SND1: variants seen among roughly 807,000 people sequenced by gnomAD.
The protein encoded by SND1 is staphylococcal nuclease domain-containing protein 1.
A neutral mutation model predicts 121.7 loss-of-function variants in SND1; 38 were observed. The observed-to-expected ratio is 0.31, with a 90% CI of 0.24 to 0.41. The LOEUF (loss-of-function observed/expected upper bound fraction) is 0.41, where lower values mean the gene tolerates loss of function less well. Among genes scored for constraint, SND1 ranks in the 10% least tolerant of loss-of-function variants. The pLI, the probability that SND1 is intolerant of heterozygous loss-of-function variation, is 1.00. For missense variants in SND1, 868 were observed against 1,184.6 expected (o/e 0.73, Z 3.92); for synonymous variants, 401 against 447.4 (o/e 0.90, Z 1.31).
chr7:127,778,489 A>G (rs1256079209), intron 10 of SND1, among the ~76,000 whole-genome samples: 2 of 152,090 alleles, frequency 1.3e-5, no homozygotes, highest in African/African-American at 4.8e-5. Flanking sequence ...GAGCCACCGC[A>G]CTCGGTCTAT....
chr7:127,868,142 A>G (rs539021262), intron 12 of SND1, among the ~76,000 whole-genome samples: 1 of 152,328 alleles, frequency 6.6e-6, no homozygotes, highest in East Asian at 1.9e-4. Flanking sequence ...CTGTAATCCC[A>G]GCACTTTGAG....
rs778342997 is a variant in SND1 at position 128,024,621 on chromosome 7, C to T, written c.1779+33565C>T. Among the ~76,000 whole-genome samples the T allele has an allele frequency of 3.9e-5, 6 of 152,302 alleles. 1 individual carries two copies. Among genetic ancestry groups the T allele is most frequent in the African/African-American group, 1.4e-4 (6 of 41,570 alleles). On this transcript the variant is annotated intron_variant, in intron 16 of 23. Transcript: ENST00000354725. ...CAGGGACTCTCTGCTGGTTGTTCCA[C>T]GGCACTCAGCAAGTTGCTGGCCTCA...
intron 16 of SND1, among the ~76,000 whole-genome samples, chr7:128,008,708 C>G (rs534804565): frequency 6.6e-6 from 1 of 152,292 alleles, no homozygotes; most frequent in African/African-American, 2.4e-5. Context: ...TGATGCAGGA[C>G]TCATGCCATG....
At chr7:127,978,969 G>T (rs1802193840) in intron 15 of SND1, among the ~76,000 whole-genome samples, 1 of 151,916 alleles carries the variant, frequency 6.6e-6, no homozygotes, top group South Asian at 2.1e-4. Flanking sequence ...TTACAGACGT[G>T]AGCCACCACA....
At chr7:127,828,396 C>T (rs576542270) in intron 11 of SND1, among the ~76,000 whole-genome samples, 3 of 151,984 alleles carry the variant, frequency 2.0e-5, no homozygotes, top group African/African-American at 7.2e-5. Flanking sequence ...TTGGATCATT[C>T]CTTTACTTTT....
intron 1 of SND1, among the ~76,000 whole-genome samples, chr7:127,661,853 C>T (rs543616237): frequency 4.7e-4 from 71 of 152,132 alleles, no homozygotes; most frequent in Admixed American, 3.3e-4. Context: ...TGGTGGCCCA[C>T]GCCTGTAATC....
At position 128,085,636 on chromosome 7, in the gene SND1, C is replaced by G. The variant is rs1793675836; in HGVS notation, c.2235-75C>G. ...GGCAGGGAAATGCTGTGCCCCTGCC[C>G]CGCCATTGCTGAGGCTCTGGGAGCC... On this transcript the variant is annotated intron_variant, in intron 19 of 23. Coordinates refer to ENST00000354725, the MANE Select transcript of SND1 (RefSeq NM_014390.4). This position sits in a 1 kb window ranked among gnomAD's most constrained non-coding sequence, Gnocchi z 4.4. 2 of 1,323,026 alleles carry G rather than the reference C, an allele frequency of 1.5e-6. No individual in the cohort carries two copies. Among genetic ancestry groups the G allele is most frequent in the East Asian group, 4.6e-5 (2 of 43,432 alleles). The allele number at this position is 1,323,026 out of a possible 1,614,324, so 82.0% of individuals were successfully genotyped here.
intron 15 of SND1, among the ~76,000 whole-genome samples, chr7:127,967,325 TGCACAAGTTCGTGGCAGG>T: frequency 6.6e-6 from 1 of 152,212 alleles, no homozygotes; most frequent in East Asian, 1.9e-4. Context: ...TGATGCTTCA[TGCACAAGTTCGTGGCAGG>T]GATGGGGGTG....
chr7:127,973,022 G>A (rs1041219645), intron 15 of SND1, among the ~76,000 whole-genome samples: 3 of 152,226 alleles, frequency 2.0e-5, no homozygotes, highest in Non-Finnish European at 4.4e-5. Context: ...CAAATGAGGT[G>A]AGGAAGTCTG....
rs185112353 is a variant in SND1, at chr7:127,878,002, C to T, written c.1344-9900C>T. On this transcript the variant is annotated intron_variant, in intron 12 of 23. Coordinates refer to ENST00000354725, the MANE Select transcript of SND1 (RefSeq NM_014390.4). ...CTCTCTCCTCCTTCTTCTCTTTCCC[C>T]TTCCCTACCTCCCTTGTTTCTTTCA... Among the ~76,000 whole-genome samples, 121 of 152,238 alleles carry T rather than the reference C, an allele frequency of 7.9e-4. 1 individual carries two copies. Among genetic ancestry groups the T allele is most frequent in the Middle Eastern group, 3.4e-3 (1 of 294 alleles).
chr7:127,911,659 T>C (rs2116779971), intron 14 of SND1, among the ~76,000 whole-genome samples: 1 of 152,186 alleles, frequency 6.6e-6, no homozygotes, highest in South Asian at 2.1e-4. Context: ...GTAGCTGGGA[T>C]TACAGCTAGT....
chr7:127,767,959 CAGA>C (rs1797449908), intron 10 of SND1, among the ~76,000 whole-genome samples: 1 of 152,190 alleles, frequency 6.6e-6, no homozygotes, highest in African/African-American at 2.4e-5. Flanking sequence ...AACACATTCA[CAGA>C]AGAAGACTAG....
At chr7:127,723,743 A>G (rs543883707) in intron 10 of SND1, among the ~76,000 whole-genome samples, 72 of 152,278 alleles carry the variant, frequency 4.7e-4, no homozygotes, top group African/African-American at 1.7e-3. Flanking sequence ...TGTCCAACAG[A>G]TATATAAATA....
At chr7:127,916,012 G>GTA (rs1800568219) in intron 14 of SND1, among the ~76,000 whole-genome samples, 1 of 145,768 alleles carries the variant, frequency 6.9e-6, no homozygotes, top group Non-Finnish European at 1.5e-5. Context: ...GTGTGTGTGT[G>GTA]TGTGTGTGTG....
At chr7:128,020,158 G>A (rs1803312771) in intron 16 of SND1, among the ~76,000 whole-genome samples, 1 of 152,226 alleles carries the variant, frequency 6.6e-6, no homozygotes, top group African/African-American at 2.4e-5. Context: ...CACATGCCCT[G>A]AAGAGAAAGG....
At chr7:128,005,253 G>C (rs1802933762) in intron 16 of SND1, among the ~76,000 whole-genome samples, 1 of 152,176 alleles carries the variant, frequency 6.6e-6, no homozygotes, top group South Asian at 2.1e-4. Flanking sequence ...GAGGTGCAGA[G>C]GGGCCCTCCG....
intron 10 of SND1, among the ~76,000 whole-genome samples, chr7:127,780,015 C>T (rs976507665): frequency 6.6e-6 from 1 of 152,172 alleles, no homozygotes; most frequent in South Asian, 2.1e-4. Flanking sequence ...CATTACTAGA[C>T]TTTTAGCTCC....
intron 11 of SND1, among the ~76,000 whole-genome samples, chr7:127,814,553 T>TC (rs926603985): frequency 4.9e-4 from 75 of 152,046 alleles, no homozygotes; most frequent in African/African-American, 1.7e-3. Context: ...AGTATTTTTT[T>TC]CTCCAGCATA....
intron 12 of SND1, among the ~76,000 whole-genome samples, chr7:127,860,940 G>C (rs1429467797): frequency 6.6e-6 from 1 of 152,104 alleles, no homozygotes; most frequent in Non-Finnish European, 1.5e-5. Flanking sequence ...TTCTGTTTTG[G>C]GGGATAGCCT....
Sources: allele counts gnomAD v4.1 joint callset (sites outside exome capture counted in the v4.1 genomes callset), GRCh38; gene constraint gnomAD v4.1.1; non-coding constraint Gnocchi (gnomAD v3.1); transcripts MANE v1.5; gene names NCBI Gene and HGNC (gene_info 2026-07-23, HGNC 2026-07-21).